The following SLC14A2 variants were observed in gnomAD, a reference collection of about 807,000 sequenced individuals.
The protein encoded by SLC14A2 is solute carrier family 14 member 2, also known as urea transporter 2.
A neutral mutation model predicts 104.6 loss-of-function variants in SLC14A2; 91 were observed. The observed-to-expected ratio is 0.87, with a 90% confidence interval of 0.73 to 1.04. SLC14A2 has a LOEUF of 1.04. Among genes scored for constraint, SLC14A2 ranks in the 50% least tolerant of loss-of-function variants. The pLI is 0.00. For missense variants in SLC14A2, 1,189 were observed against 1,156.0 expected (o/e 1.03, Z -0.41); for synonymous variants, 476 against 466.4 (o/e 1.02, Z -0.27).
At chr18:45,242,873 A>T (rs1231566876) in intron 1 of SLC14A2, among the ~76,000 whole-genome samples, 1 of 152,202 alleles carries the variant, frequency 6.6e-6, no homozygotes, top group Non-Finnish European at 1.5e-5. Flanking sequence ...TGGTGTTTAC[A>T]TGAGCTGGTT....
At chr18:45,512,473 G>T (rs562848682) in intron 2 of SLC14A2, among the ~76,000 whole-genome samples, 6 of 152,244 alleles carry the variant, frequency 3.9e-5, no homozygotes, top group Admixed American at 3.9e-4. Flanking sequence ...AGAGAGAGAG[G>T]CTTCCAGATG....
At chr18:45,609,139 A>C (rs1377123221) in intron 2 of SLC14A2, among the ~76,000 whole-genome samples, 2 of 152,124 alleles carry the variant, frequency 1.3e-5, no homozygotes, top group African/African-American at 2.4e-5. Context: ...AGGAGCATCC[A>C]TCTGTCTCCC....
rs145666699 is a variant in SLC14A2 at position 45,243,710 on chromosome 18, G to A, written c.-125+30519G>A. Reference sequence around the variant, plus strand: ...GAAGCACAGACCCACTGGAAATCAAGGAGGCTGGTGTGGGAAGTAGCCACC... The same window carrying A: ...GAAGCACAGACCCACTGGAAATCAAAGAGGCTGGTGTGGGAAGTAGCCACC... On this transcript the variant is annotated intron_variant, in intron 1 of 20. Coordinates refer to the SLC14A2 transcript ENST00000586448. Among the ~76,000 whole-genome samples the A allele has an allele frequency of 2.5e-3, 376 of 152,306 alleles. 3 individuals carry two copies. Among genetic ancestry groups the A allele is most frequent in the African/African-American group, 8.6e-3 (359 of 41,574 alleles).
intron 1 of SLC14A2, among the ~76,000 whole-genome samples, chr18:45,392,211 C>T (rs112033457): frequency 1.1e-4 from 16 of 152,324 alleles, no homozygotes; most frequent in Middle Eastern, 3.4e-3. Flanking sequence ...ACTGTGGCCC[C>T]CCAGAGAACC....
intron 1 of SLC14A2, among the ~76,000 whole-genome samples, chr18:45,368,223 A>G (rs1312691004): frequency 1.3e-5 from 2 of 152,184 alleles, no homozygotes; most frequent in African/African-American, 4.8e-5. Context: ...CAAGAGAGTG[A>G]CATGCCCACA....
intron 2 of SLC14A2, among the ~76,000 whole-genome samples, chr18:45,503,684 C>T (rs1002795314): frequency 1.2e-4 from 18 of 152,174 alleles, no homozygotes; most frequent in Non-Finnish European, 2.5e-4. Context: ...CAGAGGTGGG[C>T]AGACCCTATT....
chr18:45,425,101 G>C (rs1378850658), intron 1 of SLC14A2, among the ~76,000 whole-genome samples: 1 of 152,156 alleles, frequency 6.6e-6, no homozygotes, highest in Non-Finnish European at 1.5e-5. Context: ...TGCACATCCA[G>C]TTCCCTTTAG....
chr18:45,633,781 A>C (rs2045379919), intron 5 of SLC14A2, among the ~76,000 whole-genome samples: 1 of 152,276 alleles, frequency 6.6e-6, no homozygotes, highest in African/African-American at 2.4e-5. Context: ...AGTTTAATTT[A>C]GCTTAACTAC....
intron 1 of SLC14A2, among the ~76,000 whole-genome samples, chr18:45,618,033 G>A (rs79760231): frequency 0.028 from 4,299 of 152,234 alleles, 84 homozygotes; most frequent in Middle Eastern, 0.044. Flanking sequence ...GACAGAACTG[G>A]AAACAGCAAA....
chr18:45,651,064 C>T (rs1345287475), intron 10 of SLC14A2, among the ~76,000 whole-genome samples: 4 of 152,160 alleles, frequency 2.6e-5, no homozygotes, highest in African/African-American at 7.2e-5. Context: ...TATCCCCTAT[C>T]TTTCCATTAC....
At chr18:45,198,201 A>G in the SLC14A2 span, among the ~76,000 whole-genome samples, 1 of 152,198 alleles carries the variant, frequency 6.6e-6, no homozygotes, top group Non-Finnish European at 1.5e-5. Flanking sequence ...ATAGAAAAAC[A>G]TAAGGTATGC....
the SLC14A2 span, among the ~76,000 whole-genome samples, chr18:45,169,436 T>C: frequency 6.6e-6 from 1 of 152,182 alleles, no homozygotes; most frequent in African/African-American, 2.4e-5. Flanking sequence ...TCTTACTCAG[T>C]GCTTTCCTGC....
At chr18:45,362,723 T>C (rs913478319) in intron 1 of SLC14A2, among the ~76,000 whole-genome samples, 1 of 152,228 alleles carries the variant, frequency 6.6e-6, no homozygotes, top group African/African-American at 2.4e-5. Context: ...TAGGTTTTTC[T>C]AGATATCCAG....
the SLC14A2 span, among the ~76,000 whole-genome samples, chr18:45,177,948 A>G: frequency 6.6e-6 from 1 of 152,178 alleles, no homozygotes; most frequent in Non-Finnish European, 1.5e-5. Flanking sequence ...TCAAAGATGA[A>G]GTTATAGAAG....
intron 1 of SLC14A2, among the ~76,000 whole-genome samples, chr18:45,282,659 G>A (rs1225565286): frequency 6.6e-6 from 1 of 152,172 alleles, no homozygotes; most frequent in Non-Finnish European, 1.5e-5. Context: ...CACCCTCGCT[G>A]TGTGAGGCTG....
chr18:45,400,864 G>T (rs1477060514), intron 1 of SLC14A2, among the ~76,000 whole-genome samples: 2 of 152,118 alleles, frequency 1.3e-5, no homozygotes, highest in Non-Finnish European at 2.9e-5. Context: ...TTGCTTTGAT[G>T]CTCGGACGTG....
At chr18:45,400,093 A>G (rs2086079220) in intron 1 of SLC14A2, among the ~76,000 whole-genome samples, 1 of 152,222 alleles carries the variant, frequency 6.6e-6, no homozygotes, top group South Asian at 2.1e-4. Context: ...GTTCAAACTT[A>G]CAAAAAAAGT....
chr18:45,570,404 C>G (rs1435519018), intron 2 of SLC14A2, among the ~76,000 whole-genome samples: 1 of 152,172 alleles, frequency 6.6e-6, no homozygotes, highest in Non-Finnish European at 1.5e-5. Flanking sequence ...AAAGCACCCT[C>G]CTCTAAGTTC....
At chr18:45,428,742 A>T (rs1424893481) in intron 1 of SLC14A2, among the ~76,000 whole-genome samples, 1 of 152,248 alleles carries the variant, frequency 6.6e-6, no homozygotes, top group Non-Finnish European at 1.5e-5. Flanking sequence ...TTGAGACTGC[A>T]TTACAAAACA....
Sources: allele counts gnomAD v4.1 joint callset (sites outside exome capture counted in the v4.1 genomes callset), GRCh38; gene constraint gnomAD v4.1.1; transcripts MANE v1.5; gene names NCBI Gene and HGNC (gene_info 2026-07-23, HGNC 2026-07-21).